IQGAP2: variants seen among roughly 807,000 people sequenced by gnomAD.
IQGAP2 encodes ras GTPase-activating-like protein IQGAP2.
A neutral mutation model predicts 201.3 loss-of-function variants in IQGAP2; 173 were observed. The observed-to-expected ratio is 0.86, with a 90% CI of 0.76 to 0.98. The LOEUF is 0.98. IQGAP2 is among the 50% of genes least tolerant of loss of function. The pLI is 0.00. For synonymous variants in IQGAP2, 675 were observed against 673.9 expected, an observed-to-expected ratio of 1.00 and a Z score of -0.03; for missense variants, 1,687 against 1,864.8, an observed-to-expected ratio of 0.90 and a Z score of 1.76.
intron 21 of IQGAP2, among the ~76,000 whole-genome samples, chr5:76,661,295 T>A (rs1441394567): frequency 6.6e-6 from 1 of 152,122 alleles, no homozygotes; most frequent in Non-Finnish European, 1.5e-5. Context: ...TAACATTGGT[T>A]TTAGGCAAAA....
At chr5:76,589,796 G>T in intron 7 of IQGAP2, 68 bp downstream of exon 7, 1 of 757,730 alleles carries the variant, frequency 1.3e-6, no homozygotes, top group South Asian at 2.3e-5. Flanking sequence ...TATTGATTTT[G>T]ATTACTCGAA....
At chr5:76,683,317 T>G in intron 29 of IQGAP2, 100 bp downstream of exon 29, 2 of 699,996 alleles carry the variant, frequency 2.9e-6, no homozygotes, top group Non-Finnish European at 4.8e-6. Flanking sequence ...AAACAATTAT[T>G]TTGGAATTTA....
intron 2 of IQGAP2, among the ~76,000 whole-genome samples, chr5:76,546,407 C>T (rs568054771): frequency 6.6e-6 from 1 of 152,196 alleles, no homozygotes; most frequent in East Asian, 1.9e-4. Flanking sequence ...AGCACTCCAG[C>T]CTGAGGGACA....
At chr5:76,567,165 G>A (rs760623908) in intron 3 of IQGAP2, among the ~76,000 whole-genome samples, 7 of 152,166 alleles carry the variant, frequency 4.6e-5, no homozygotes, top group African/African-American at 1.2e-4. Flanking sequence ...GTCTAGCTTC[G>A]CCATTAACTT....
At chr5:76,527,893 C>T (rs925691795) in intron 2 of IQGAP2, among the ~76,000 whole-genome samples, 2 of 152,214 alleles carry the variant, frequency 1.3e-5, no homozygotes, top group Non-Finnish European at 2.9e-5. Context: ...TAACTAACCT[C>T]CTGTTTTTGT....
chr5:76,525,521 A>G (rs1388707310), intron 2 of IQGAP2, among the ~76,000 whole-genome samples: 2 of 151,890 alleles, frequency 1.3e-5, no homozygotes, highest in Non-Finnish European at 2.9e-5. Flanking sequence ...AAAAGAAGAG[A>G]ACCAGGGAGG....
intron 1 of IQGAP2, among the ~76,000 whole-genome samples, chr5:76,427,847 G>T (rs970076276): frequency 2.0e-5 from 3 of 152,216 alleles, no homozygotes; most frequent in African/African-American, 7.2e-5. Flanking sequence ...TCTGAGCGGG[G>T]GCAGCATAAG....
chr5:76,500,565 G>A (rs1208919742), intron 2 of IQGAP2, among the ~76,000 whole-genome samples: 1 of 152,168 alleles, frequency 6.6e-6, no homozygotes, highest in African/African-American at 2.4e-5. Context: ...ATGAATTAAG[G>A]AATACTAAAT....
At chr5:76,418,208 A>G (rs1408331208) in intron 1 of IQGAP2, among the ~76,000 whole-genome samples, 3 of 57,714 alleles carry the variant, frequency 5.2e-5, no homozygotes, top group African/African-American at 7.8e-5. Context: ...CTCCGTCTCA[A>G]AAAAAAAAAA....
chr5:76,664,994 A>AC (rs779720670), intron 21 of IQGAP2, 32 bp from the exon 22 acceptor site: 13 of 1,162,568 alleles, frequency 1.1e-5, no homozygotes, highest in Non-Finnish European at 1.6e-5. Context: ...TATGAGAATT[A>AC]AAAAGGAGTA....
chr5:76,533,902 G>A (rs1759473995), intron 2 of IQGAP2, among the ~76,000 whole-genome samples: 1 of 152,182 alleles, frequency 6.6e-6, no homozygotes, highest in East Asian at 1.9e-4. Context: ...TTCTGAATAC[G>A]AACCCTTTGT....
chr5:76,674,403 TA>T (rs539361187), intron 26 of IQGAP2, 73 bp from the exon 27 acceptor site: 8,847 of 601,348 alleles, frequency 0.015, 25 homozygotes, highest in South Asian at 0.052. Flanking sequence ...TATATATCTT[TA>T]AAAAAAAAAA....
intron 15 of IQGAP2, among the ~76,000 whole-genome samples, chr5:76,634,578 G>A (rs2455227): frequency 0.57 from 86,835 of 151,884 alleles, 24,908 homozygotes; most frequent in South Asian, 0.62. Context: ...CTGACTCTAC[G>A]GAAAACGTTT....
intron 2 of IQGAP2, among the ~76,000 whole-genome samples, chr5:76,491,446 T>C (rs1419768051): frequency 6.6e-6 from 1 of 152,082 alleles, no homozygotes; most frequent in African/African-American, 2.4e-5. Flanking sequence ...GTTTGAGAGG[T>C]ATGCAGGATT....
intron 2 of IQGAP2, among the ~76,000 whole-genome samples, chr5:76,477,855 T>C (rs2150141404): frequency 6.9e-6 from 1 of 144,084 alleles, no homozygotes; most frequent in Non-Finnish European, 1.5e-5. Flanking sequence ...TCTTAGTTTA[T>C]AGCAAAAAAG....
chr5:76,637,214 A>G, intron 16 of IQGAP2, 38 bp downstream of exon 16: 1 of 1,505,932 alleles, frequency 6.6e-7, no homozygotes, highest in Non-Finnish European at 9.0e-7. Context: ...TCTACTGTAT[A>G]AAGTTAAATT....
chr5:76,693,083 G>A (rs1373072003), intron 30 of IQGAP2, among the ~76,000 whole-genome samples: 1 of 152,210 alleles, frequency 6.6e-6, no homozygotes, highest in East Asian at 1.9e-4. Context: ...AGTATTTAGA[G>A]AGGAAATCTT....
intron 5 of IQGAP2, among the ~76,000 whole-genome samples, chr5:76,585,321 A>G (rs970973341): frequency 2.0e-5 from 3 of 152,180 alleles, no homozygotes; most frequent in Non-Finnish European, 2.9e-5. Flanking sequence ...CATTTTATGG[A>G]TGTCTGCTTA....
intron 1 of IQGAP2, among the ~76,000 whole-genome samples, chr5:76,431,817 CAA>C (rs11292591): frequency 1.5e-3 from 167 of 114,058 alleles, no homozygotes; most frequent in Middle Eastern, 4.9e-3. Context: ...GACTCTGTAT[CAA>C]AAAAAAAAAA....
Sources: allele counts gnomAD v4.1 joint callset (sites outside exome capture counted in the v4.1 genomes callset), GRCh38; gene constraint gnomAD v4.1.1; transcripts MANE v1.5; gene names NCBI Gene and HGNC (gene_info 2026-07-23, HGNC 2026-07-21).